PRKCQ: variants seen among roughly 807,000 people sequenced by gnomAD.
The protein encoded by PRKCQ is protein kinase C theta.
PRKCQ carries 41 observed loss-of-function variants against 91.2 expected under a neutral mutation model. The observed-to-expected ratio is 0.45, with a 90% CI of 0.35 to 0.58. The LOEUF is 0.58. Ranked by LOEUF, PRKCQ falls within the 20% of genes least tolerant of loss-of-function variation. The pLI is 0.00. For missense variants in PRKCQ, 673 were observed against 896.5 expected (o/e 0.75, Z 3.18); for synonymous variants, 307 against 316.9 (o/e 0.97, Z 0.33).
intron 16 of PRKCQ, among the ~76,000 whole-genome samples, chr10:6,432,425 T>G (rs1237940361): frequency 6.6e-6 from 1 of 152,152 alleles, no homozygotes; most frequent in Non-Finnish European, 1.5e-5. Flanking sequence ...AAGTTCCGGG[T>G]GAAATGTTTG....
intron 15 of PRKCQ, among the ~76,000 whole-genome samples, chr10:6,444,952 C>T (rs1045163469): frequency 6.6e-6 from 1 of 151,746 alleles, no homozygotes; most frequent in East Asian, 1.9e-4. Flanking sequence ...GGCGAAACCC[C>T]GTCTCTACTA....
intron 1 of PRKCQ, among the ~76,000 whole-genome samples, chr10:6,554,684 TTATTA>T (rs1840338958): frequency 6.6e-6 from 1 of 152,214 alleles, no homozygotes; most frequent in Non-Finnish European, 1.5e-5. Context: ...AATAAGTCTT[TTATTA>T]GAATTTACTT....
At chr10:6,510,843 C>G (rs553339365) in intron 3 of PRKCQ, 152 bp downstream of exon 3, 3 of 748,248 alleles carry the variant, frequency 4.0e-6, no homozygotes, top group Non-Finnish European at 6.7e-6. Flanking sequence ...GAATAACCAT[C>G]GCCATTATCA....
chr10:6,405,427 G>A, the PRKCQ span, among the ~76,000 whole-genome samples: 14 of 152,260 alleles, frequency 9.2e-5, no homozygotes, highest in East Asian at 7.7e-4. Context: ...CTCCTTTTGC[G>A]TCCTGGACCC....
At chr10:6,479,343 C>T (rs1460985006) in intron 11 of PRKCQ, among the ~76,000 whole-genome samples, 178 bp from the exon 12 acceptor site, 2 of 152,180 alleles carry the variant, frequency 1.3e-5, no homozygotes, top group Admixed American at 1.3e-4. Context: ...TGGTTTCGGA[C>T]ATGACATCAC....
chr10:6,462,528 A>G (rs571175833), intron 13 of PRKCQ, among the ~76,000 whole-genome samples, 163 bp from the exon 14 acceptor site: 2 of 152,296 alleles, frequency 1.3e-5, no homozygotes, highest in South Asian at 4.1e-4. Flanking sequence ...TTCATTCTAC[A>G]CATAAGAAAG....
chr10:6,483,991 G>C (rs688879), intron 10 of PRKCQ, among the ~76,000 whole-genome samples: 46,770 of 152,168 alleles, frequency 0.31, 7,583 homozygotes, highest in Middle Eastern at 0.56. Flanking sequence ...ATTTTCAATT[G>C]TTTGCATGGC....
chr10:6,398,212 T>C, the PRKCQ span, among the ~76,000 whole-genome samples: 1 of 152,246 alleles, frequency 6.6e-6, no homozygotes, highest in Non-Finnish European at 1.5e-5. Flanking sequence ...TATTTATGTA[T>C]GAACTCTGTA....
downstream of PRKCQ, among the ~76,000 whole-genome samples, chr10:6,425,485 G>A (rs1459670956): frequency 6.6e-6 from 1 of 152,052 alleles, no homozygotes; most frequent in African/African-American, 2.4e-5. Context: ...GTCTCCCAAA[G>A]TGCTGGGATT....
chr10:6,395,477 A>G, the PRKCQ span, among the ~76,000 whole-genome samples: 1 of 152,160 alleles, frequency 6.6e-6, no homozygotes, highest in Admixed American at 6.5e-5. Flanking sequence ...CAGCTGATCC[A>G]TCAAGTGCAG....
chr10:6,505,410 T>TTCTTTCTTTCTTTC (rs1838138756), intron 4 of PRKCQ, among the ~76,000 whole-genome samples: 2 of 141,624 alleles, frequency 1.4e-5, no homozygotes, highest in South Asian at 4.5e-4. Context: ...TCTCCTTTCT[T>TTCTTTCTTTCTTTC]TCTTTCTTTC....
Position 6,434,418 on chromosome 10 carries a change from A to G in PRKCQ, c.1837-3480T>C, listed in dbSNP as rs192847641. On this transcript the variant is annotated intron_variant, in intron 16 of 17. Transcript: ENST00000263125. Reference sequence around the variant, plus strand: ...AAATTAAATGTGTAATGAGAAGAGCATATGGTCTCCAGCTCTGAGCGTCAA... The same window carrying G: ...AAATTAAATGTGTAATGAGAAGAGCGTATGGTCTCCAGCTCTGAGCGTCAA... Among the ~76,000 whole-genome samples the G allele has an allele frequency of 9.8e-4, 149 of 152,326 alleles. 1 individual carries two copies. The highest frequency in any genetic ancestry group is 3.5e-3 in the African/African-American group (147 of 41,574).
rs200024939 is a variant in PRKCQ, at chr10:6,497,245, C to T, written c.549G>A (p.Leu183=). The change falls in exon 6 of 18, where the codon CTG becomes CTA. Residue 183 remains leucine (L), a synonymous_variant. Transcript: ENST00000263125. The surrounding 1 kb of genome is among the most constrained non-coding windows in gnomAD (Gnocchi z 4.5). ...CSVCHEFVWG[L]NKQGYQCRQC... is the part of the protein sequence containing the mutation. ...GTCGGCACTGGTAGCCCTGTTTGTT[C>T]AGGCCCCTGTAATAAAGCACACGCT... 1 of 1,614,128 alleles carries T rather than the reference C, an allele frequency of 6.2e-7. No individual in the cohort carries two copies. Among genetic ancestry groups the T allele is most frequent in the Non-Finnish European group, 8.5e-7 (1 of 1,180,002 alleles).
rs538342073 is a variant in PRKCQ at position 6,500,824 on chromosome 10, T to G, written c.380-2266A>C. Among the ~76,000 whole-genome samples, 42 of 152,238 alleles carry G rather than the reference T, an allele frequency of 2.8e-4. No homozygotes were observed. The South Asian group carries it at 8.5e-3, about 31-fold the overall frequency. ...GCTGTGAGTAAACTGCCTTGCTGAG[T>G]GTGCTGAAGAAACACATTATTCCTC... On this transcript the variant is annotated intron_variant, in intron 4 of 17. Coordinates refer to ENST00000263125, the MANE Select transcript of PRKCQ (RefSeq NM_006257.5).
At chr10:6,526,622 G>A (rs368203076) in intron 1 of PRKCQ, among the ~76,000 whole-genome samples, 67 of 152,232 alleles carry the variant, frequency 4.4e-4, no homozygotes, top group African/African-American at 1.6e-3. Context: ...ATGGGTGTGA[G>A]GTCGGAGCTG....
At chr10:6,504,707 G>C (rs1464217187) in intron 4 of PRKCQ, among the ~76,000 whole-genome samples, 2 of 152,020 alleles carry the variant, frequency 1.3e-5, no homozygotes, top group African/African-American at 4.8e-5. Flanking sequence ...TTCAGAAGAC[G>C]ATTTCTTATA....
At chr10:6,552,544 C>T (rs78301269) in intron 1 of PRKCQ, among the ~76,000 whole-genome samples, 2,176 of 151,512 alleles carry the variant, frequency 0.014, 46 homozygotes, top group African/African-American at 0.051. Context: ...CAGCTCACTG[C>T]GGCCTCCACC....
chr10:6,559,657 C>A (rs1360109637), intron 1 of PRKCQ, among the ~76,000 whole-genome samples: 1 of 152,136 alleles, frequency 6.6e-6, no homozygotes, highest in Non-Finnish European at 1.5e-5. Flanking sequence ...CCGTGCCTGG[C>A]CTGTATCTTT....
At chr10:6,559,391 C>T (rs1004284287) in intron 1 of PRKCQ, among the ~76,000 whole-genome samples, 4 of 152,070 alleles carry the variant, frequency 2.6e-5, no homozygotes, top group East Asian at 1.9e-4. Context: ...GAGATAGTCT[C>T]GCTCTGCCAC....
Sources: allele counts gnomAD v4.1 joint callset (sites outside exome capture counted in the v4.1 genomes callset), GRCh38; gene constraint gnomAD v4.1.1; non-coding constraint Gnocchi (gnomAD v3.1); transcripts MANE v1.5; gene names NCBI Gene and HGNC (gene_info 2026-07-23, HGNC 2026-07-21).